The following NALF1 variants were observed in gnomAD, a reference collection of about 807,000 sequenced individuals.
NALF1 encodes NALCN channel auxiliary factor 1, also known as family with sequence similarity 155 member A.
In NALF1, 3 loss-of-function variants were observed where a neutral mutation model predicts 48.4. The ratio of observed to expected loss-of-function variants is 0.06; its 90% CI spans 0.03 to 0.16. The LOEUF is 0.16. NALF1 is among the 10% of genes least tolerant of loss of function. The pLI, the probability that NALF1 is intolerant of heterozygous loss-of-function variation, is 1.00. For missense variants in NALF1, 526 were observed against 571.5 expected, an observed-to-expected ratio of 0.92 and a Z score of 0.81; for synonymous variants, 262 against 245.7, an observed-to-expected ratio of 1.07 and a Z score of -0.62.
chr13:107,675,543 A>T (rs990616430), intron 1 of NALF1, among the ~76,000 whole-genome samples: 1 of 152,154 alleles, frequency 6.6e-6, no homozygotes, highest in Admixed American at 6.5e-5. Context: ...ATGTATCTTC[A>T]ATCATATTGA....
At chr13:107,384,499 T>G (rs771204225) in intron 1 of NALF1, among the ~76,000 whole-genome samples, 80 of 151,928 alleles carry the variant, frequency 5.3e-4, no homozygotes, top group Non-Finnish European at 1.0e-3. Context: ...TTTTTGGTGG[T>G]TTTTTTTATT....
chr13:107,199,162 A>T (rs1330372352), intron 2 of NALF1, among the ~76,000 whole-genome samples: 1 of 152,058 alleles, frequency 6.6e-6, no homozygotes, highest in Non-Finnish European at 1.5e-5. Context: ...GTTCAATAGG[A>T]CAGATGTCAT....
intron 2 of NALF1, among the ~76,000 whole-genome samples, chr13:107,206,417 T>G (rs1175285833): frequency 6.6e-6 from 1 of 152,310 alleles, no homozygotes; most frequent in Middle Eastern, 3.4e-3. Flanking sequence ...TTAAAGTAAG[T>G]TCCTGGCTTA....
intron 1 of NALF1, among the ~76,000 whole-genome samples, chr13:107,682,848 A>G (rs904307607): frequency 1.3e-5 from 2 of 152,172 alleles, no homozygotes; most frequent in African/African-American, 2.4e-5. Flanking sequence ...CGACTTTCCA[A>G]TGGCCTCTGC....
chr13:107,484,659 G>A (rs535999202), intron 1 of NALF1, among the ~76,000 whole-genome samples: 1 of 152,238 alleles, frequency 6.6e-6, no homozygotes, highest in South Asian at 2.1e-4. Flanking sequence ...GTGCAATACA[G>A]TACACTTGGC....
In NALF1 at chr13:107,241,474, A is replaced by G. The variant is rs144662618; in HGVS notation, c.916-30719T>C. ...TGGCGCCTACTCAATGAGAGCATGAATTCCCTTCAGCTCCTGGCTCAGTAG... is the reference window on the plus strand; with the variant it reads ...TGGCGCCTACTCAATGAGAGCATGAGTTCCCTTCAGCTCCTGGCTCAGTAG... On this transcript the variant is annotated intron_variant, in intron 1 of 2. Coordinates refer to ENST00000375915, the MANE Select transcript of NALF1 (RefSeq NM_001080396.3). Among the ~76,000 whole-genome samples the G allele has an allele frequency of 4.6e-5, 7 of 152,292 alleles. No individual in the cohort carries two copies. In the East Asian group the frequency reaches 1.4e-3, roughly 29 times the overall value.
At chr13:107,464,907 T>G (rs961053110) in intron 1 of NALF1, among the ~76,000 whole-genome samples, 11 of 152,300 alleles carry the variant, frequency 7.2e-5, no homozygotes, top group Non-Finnish European at 1.0e-4. Context: ...TGATGAAATT[T>G]CAAGTAAATA....
intron 1 of NALF1, among the ~76,000 whole-genome samples, chr13:107,858,904 A>T (rs1326452187): frequency 6.6e-6 from 1 of 152,202 alleles, no homozygotes; most frequent in Non-Finnish European, 1.5e-5. Context: ...GGGTGATTTA[A>T]GTCATTTTCT....
At chr13:107,277,664 G>A (rs577084498) in intron 1 of NALF1, among the ~76,000 whole-genome samples, 1 of 151,976 alleles carries the variant, frequency 6.6e-6, no homozygotes, top group Non-Finnish European at 1.5e-5. Flanking sequence ...AAACTATTTC[G>A]GCTTCTCTCC....
intron 1 of NALF1, among the ~76,000 whole-genome samples, chr13:107,615,347 G>T (rs1879351909): frequency 6.6e-6 from 1 of 152,012 alleles, no homozygotes; most frequent in African/African-American, 2.4e-5. Flanking sequence ...CATGTTGGCG[G>T]GTCTGCTCCC....
At chr13:107,192,071 T>C (rs953628226) in intron 2 of NALF1, among the ~76,000 whole-genome samples, 20 of 152,052 alleles carry the variant, frequency 1.3e-4, no homozygotes, top group African/African-American at 3.9e-4. Context: ...GAAAGGATTA[T>C]GTATTGAATG....
intron 1 of NALF1, among the ~76,000 whole-genome samples, chr13:107,435,241 C>G (rs898299782): frequency 6.6e-6 from 1 of 151,852 alleles, no homozygotes; most frequent in African/African-American, 2.4e-5. Flanking sequence ...TAAAACAAAT[C>G]GTTGAGATGT....
intron 2 of NALF1, among the ~76,000 whole-genome samples, chr13:107,179,957 T>C (rs1188985638): frequency 6.9e-6 from 1 of 144,542 alleles, no homozygotes; most frequent in Non-Finnish European, 1.5e-5. Context: ...CGCAATCTAG[T>C]ATGGCCTCAT....
At position 107,169,596 on chromosome 13, in the gene NALF1, C is replaced by CTT. The variant is rs1292085687; in HGVS notation, c.*899_*900dup. The CTT allele has an allele frequency of 1.3e-5, 2 of 152,198 alleles. No individual in the cohort carries two copies. Among genetic ancestry groups the CTT allele is most frequent in the South Asian group, 2.1e-4 (1 of 4,834 alleles). The allele number at this position is 152,198 out of a possible 1,614,324, so 9.4% of individuals were successfully genotyped here. ...GGACCAGCAAGAAAGGGCTGGGCCA[C>CTT]TTGGGGATGGGAACTGGAGCAATAC... On this transcript the variant is annotated 3_prime_UTR_variant, in exon 3 of 3. Coordinates refer to ENST00000375915, the MANE Select transcript of NALF1 (RefSeq NM_001080396.3).
intron 1 of NALF1, among the ~76,000 whole-genome samples, chr13:107,709,846 G>A (rs911280937): frequency 2.0e-5 from 3 of 152,134 alleles, no homozygotes; most frequent in African/African-American, 7.2e-5. Context: ...AATATACCAT[G>A]GCACATTTTC....
At chr13:107,286,900 G>A (rs76338592) in intron 1 of NALF1, among the ~76,000 whole-genome samples, 2 of 152,266 alleles carry the variant, frequency 1.3e-5, no homozygotes, top group African/African-American at 4.8e-5. Context: ...GTTAGGAGGA[G>A]AGTGAATAGG....
intron 1 of NALF1, among the ~76,000 whole-genome samples, chr13:107,247,234 C>G (rs761719068): frequency 6.6e-6 from 1 of 152,158 alleles, no homozygotes; most frequent in African/African-American, 2.4e-5. Context: ...GCATGGATTC[C>G]TTTATCTTCC....
chr13:107,402,077 C>G (rs1459426358), intron 1 of NALF1, among the ~76,000 whole-genome samples: 1 of 151,214 alleles, frequency 6.6e-6, no homozygotes, highest in African/African-American at 2.5e-5. Flanking sequence ...CCTAGCAAAG[C>G]TGATGGGATG....
At chr13:107,813,105 C>T (rs188026320) in intron 1 of NALF1, among the ~76,000 whole-genome samples, 1 of 152,040 alleles carries the variant, frequency 6.6e-6, no homozygotes, top group African/African-American at 2.4e-5. Context: ...GCCCTTATTG[C>T]AAGAAGATTA....
Sources: gnomAD v4.1 joint callset for allele counts (sites outside exome capture counted in the v4.1 genomes callset) on GRCh38, gnomAD v4.1.1 for gene constraint, MANE v1.5 for transcripts, NCBI Gene and HGNC (gene_info 2026-07-23, HGNC 2026-07-21) for gene names.